CPLANE1: variants seen among roughly 807,000 people sequenced by gnomAD.
The protein encoded by CPLANE1 is ciliogenesis and planar polarity effector 1.
Under a neutral mutation model 362.5 loss-of-function variants are expected in CPLANE1, and 263 were observed. That is an observed-to-expected ratio of 0.73 (90% CI 0.66 to 0.80). The LOEUF (loss-of-function observed/expected upper bound fraction) is 0.80, where lower values mean the gene tolerates loss of function less well. Ranked by LOEUF, CPLANE1 falls within the 30% of genes least tolerant of loss-of-function variation. CPLANE1 has a pLI of 0.00. For missense variants in CPLANE1, 3,461 were observed against 3,793.4 expected, an observed-to-expected ratio of 0.91 and a Z score of 2.30; for synonymous variants, 1,212 against 1,302.6, an observed-to-expected ratio of 0.93 and a Z score of 1.50.
At chr5:37,157,546 C>T in intron 40 of CPLANE1, 124 bp downstream of exon 40, 1 of 1,100,362 alleles carries the variant, frequency 9.1e-7, no homozygotes, top group Non-Finnish European at 1.3e-6. Context: ...CATTTCTGTG[C>T]ATGTAAACAT....
chr5:37,129,450 C>T (rs1195280692), intron 46 of CPLANE1, among the ~76,000 whole-genome samples: 1 of 152,092 alleles, frequency 6.6e-6, no homozygotes, highest in African/African-American at 2.4e-5. Context: ...AAACAATCAG[C>T]AGAGTAAACA....
intron 31 of CPLANE1, 60 bp from the exon 32 acceptor site, chr5:37,174,007 T>C (rs781689624): frequency 7.4e-6 from 10 of 1,354,112 alleles, no homozygotes; most frequent in Non-Finnish European, 9.3e-6. Flanking sequence ...ACAAATTGAA[T>C]GTCTATGATC....
intron 14 of CPLANE1, among the ~76,000 whole-genome samples, chr5:37,222,042 AAC>A (rs1341028380): frequency 1.3e-5 from 2 of 152,034 alleles, no homozygotes; most frequent in Non-Finnish European, 2.9e-5. Context: ...AAGCAGAAGA[AAC>A]AGTTATCCAA....
At chr5:37,179,902 G>C in intron 28 of CPLANE1, 115 bp downstream of exon 28, 1 of 551,830 alleles carries the variant, frequency 1.8e-6, no homozygotes, top group East Asian at 3.5e-5. Context: ...TTTTATTTTA[G>C]GCTACTGTAA....
rs757032050 is a variant in CPLANE1, at chr5:37,120,265, G to C, written c.9261C>G (p.Ile3087Met). The C allele has an allele frequency of 6.2e-7, 1 of 1,602,132 alleles. No homozygotes were observed. The highest frequency in any genetic ancestry group is 2.3e-5 in the East Asian group (1 of 44,442). ...KVKYMSKPSYIHKRKSFGQPQ... is the reference protein window; with the variant it reads ...KVKYMSKPSYMHKRKSFGQPQ... ...GTTGCCCAAAAGACTTCCTCTTATG[G>C]ATATAACTCGGTTTGGACATATATT... Residue 3087 changes from isoleucine (I) to methionine (M), a missense_variant, in exon 50 of 53, where the codon ATC becomes ATG. Physicochemically the swap from Ile to Met is conservative, Grantham distance 10. This residue lies in a region of CPLANE1 where 3,380 missense variants were observed against 3,666.1 expected (regional missense o/e 0.92). Coordinates refer to ENST00000651892, the MANE Select transcript of CPLANE1 (RefSeq NM_001384732.1).
chr5:37,130,948 C>T (rs1420650686), intron 46 of CPLANE1, among the ~76,000 whole-genome samples: 1 of 152,212 alleles, frequency 6.6e-6, no homozygotes, highest in Non-Finnish European at 1.5e-5. Context: ...AATCTGTTCA[C>T]TGAAACAGTT....
intron 47 of CPLANE1, among the ~76,000 whole-genome samples, chr5:37,124,212 G>C (rs768637975): frequency 1.1e-4 from 16 of 151,992 alleles, no homozygotes; most frequent in Non-Finnish European, 2.1e-4. Context: ...TCCTAATGAT[G>C]CTGAAAAAAA....
chr5:37,157,018 A>G (rs1369458102), intron 41 of CPLANE1, among the ~76,000 whole-genome samples: 1 of 152,238 alleles, frequency 6.6e-6, no homozygotes, highest in African/African-American at 2.4e-5. Context: ...ACCTTTTACA[A>G]TATGAGAATT....
chr5:37,225,275 G>A (rs961177480), intron 12 of CPLANE1, among the ~76,000 whole-genome samples: 1 of 150,826 alleles, frequency 6.6e-6, no homozygotes, highest in African/African-American at 2.4e-5. Flanking sequence ...TTTCTTTTCA[G>A]GCAAGGTCTC....
At chr5:37,134,443 C>A (rs981824873) in intron 46 of CPLANE1, among the ~76,000 whole-genome samples, 2 of 152,206 alleles carry the variant, frequency 1.3e-5, no homozygotes, top group Admixed American at 1.3e-4. Context: ...TCATAAAAGT[C>A]TCTGAGGATC....
chr5:37,157,850 T>A lies in CPLANE1; in HGVS notation c.7831A>T (p.Asn2611Tyr), dbSNP rs1233724425. 4 of 1,604,834 alleles carry A rather than the reference T, an allele frequency of 2.5e-6. 1 individual carries two copies. In the South Asian group the frequency reaches 4.4e-5, roughly 18 times the overall value. Reference sequence around the variant, plus strand: ...TCATTAGCTTCAATGTCAATCACATTTATATAAGTATGTCCAACCTGAGCC... The same window carrying A: ...TCATTAGCTTCAATGTCAATCACATATATATAAGTATGTCCAACCTGAGCC... ...VTNLVGHTYINVIDIEANDLL... is the reference protein window; with the variant it reads ...VTNLVGHTYIYVIDIEANDLL... Residue 2611 changes from asparagine to tyrosine, a missense_variant, in exon 40 of 53, where the codon AAT (asparagine) becomes TAT (tyrosine). Transcript: ENST00000651892.
intron 47 of CPLANE1, among the ~76,000 whole-genome samples, chr5:37,124,476 A>C (rs1349239629): frequency 1.3e-5 from 2 of 152,206 alleles, no homozygotes; most frequent in African/African-American, 4.8e-5. Flanking sequence ...CTGTTGATAC[A>C]TGACTGGACA....
chr5:37,138,155 T>C (rs962702430), intron 46 of CPLANE1, among the ~76,000 whole-genome samples: 1 of 152,220 alleles, frequency 6.6e-6, no homozygotes, highest in Non-Finnish European at 1.5e-5. Context: ...TCCCCCACTA[T>C]TACTACGTGG....
chr5:37,238,826 A>C, intron 8 of CPLANE1, 31 bp downstream of exon 8: 1 of 1,305,104 alleles, frequency 7.7e-7, no homozygotes, highest in Non-Finnish European at 1.0e-6. Context: ...AAAGAAAAAA[A>C]GAAAAAAAAG....
the CPLANE1 span, among the ~76,000 whole-genome samples, chr5:37,079,139 C>CAGAT: frequency 6.6e-6 from 1 of 152,068 alleles, no homozygotes; most frequent in Non-Finnish European, 1.5e-5. Flanking sequence ...GCCTATGTCC[C>CAGAT]AGATAGTATT....
chr5:37,169,488 G>A lies in CPLANE1; in HGVS notation c.6536C>T (p.Ser2179Phe), dbSNP rs1454889932. 1 of 1,614,024 alleles carries A rather than the reference G, an allele frequency of 6.2e-7. No homozygotes were observed. Among genetic ancestry groups the A allele is most frequent in the African/African-American group, 1.3e-5 (1 of 74,922 alleles). The change falls in exon 34 of 53, where the codon TCT becomes TTT. Residue 2179 changes from serine to phenylalanine, a missense_variant. By Grantham distance (155) the Ser-to-Phe change is radical. Transcript: ENST00000651892. The part of the protein sequence containing the change: ...QPRKKGPIPS[S>F]QNLPSTSFYP... ...AAACGAAGTGGATGGTAAGTTTTGAGATGATGGAATTGGTCCTTTTTTCCG... is the reference window on the plus strand; with the variant it reads ...AAACGAAGTGGATGGTAAGTTTTGAAATGATGGAATTGGTCCTTTTTTCCG...
At chr5:37,151,927 A>C (rs913720564) in intron 42 of CPLANE1, among the ~76,000 whole-genome samples, 4 of 152,100 alleles carry the variant, frequency 2.6e-5, no homozygotes, top group African/African-American at 2.4e-5. Flanking sequence ...GCATCATAGT[A>C]TCATTACTTA....
At chr5:37,088,385 G>C in the CPLANE1 span, among the ~76,000 whole-genome samples, 2 of 152,166 alleles carry the variant, frequency 1.3e-5, no homozygotes, top group Admixed American at 6.5e-5. Context: ...TATTGGCTAT[G>C]GCATTAAGGC....
At chr5:37,248,986 G>C (rs1373472850) in intron 1 of CPLANE1, among the ~76,000 whole-genome samples, 2 of 152,224 alleles carry the variant, frequency 1.3e-5, no homozygotes, top group African/African-American at 4.8e-5. Context: ...CACGCCGGCC[G>C]GGTGACCCCG....
Sources: gnomAD v4.1 joint callset for allele counts (sites outside exome capture counted in the v4.1 genomes callset) on GRCh38, gnomAD v4.1.1 for gene constraint, gnomAD v4.1.1 regional missense constraint, MANE v1.5 for transcripts, NCBI Gene and HGNC (gene_info 2026-07-23, HGNC 2026-07-21) for gene names.